ASRGL1: variants seen among roughly 807,000 people sequenced by gnomAD.
The protein encoded by ASRGL1 is isoaspartyl peptidase/L-asparaginase.
In ASRGL1, 16 loss-of-function variants were observed where a neutral mutation model predicts 22.4. The ratio of observed to expected loss-of-function variants is 0.71; its 90% CI spans 0.48 to 1.08. ASRGL1 has a LOEUF of 1.08. Ranked by LOEUF, ASRGL1 falls within the 50% of genes least tolerant of loss-of-function variation. ASRGL1 has a pLI of 0.00. For synonymous variants in ASRGL1, 165 were observed against 159.3 expected, an observed-to-expected ratio of 1.04 and a Z score of -0.27; for missense variants, 412 against 410.1, an observed-to-expected ratio of 1.00 and a Z score of -0.04.
At chr11:62,388,165 G>A (rs764472885) in intron 4 of ASRGL1, among the ~76,000 whole-genome samples, 7 of 152,224 alleles carry the variant, frequency 4.6e-5, no homozygotes, top group Admixed American at 6.5e-5. Flanking sequence ...TCTAAACATA[G>A]AAGTACAGTA....
chr11:62,337,845 G>T (rs1206677203), intron 1 of ASRGL1, 45 bp from the exon 2 acceptor site: 5 of 1,005,592 alleles, frequency 5.0e-6, no homozygotes, highest in South Asian at 1.8e-5. Flanking sequence ...ACCCCCAGCT[G>T]CGAACCCAGC....
At chr11:62,340,781 G>A (rs976195230) in intron 2 of ASRGL1, among the ~76,000 whole-genome samples, 3 of 152,140 alleles carry the variant, frequency 2.0e-5, no homozygotes, top group Admixed American at 1.3e-4. Context: ...GGTCACTACC[G>A]GCAAGCAATA....
chr11:62,361,557 G>C (rs1409622322), intron 4 of ASRGL1, among the ~76,000 whole-genome samples: 1 of 141,608 alleles, frequency 7.1e-6, no homozygotes, highest in South Asian at 2.3e-4. Flanking sequence ...GTACAATCTC[G>C]GCTCACTGCA....
the ASRGL1 span, among the ~76,000 whole-genome samples, chr11:62,400,218 C>T: frequency 1.3e-5 from 2 of 152,234 alleles, no homozygotes. Flanking sequence ...ATTCCCTCTC[C>T]AGAAATGCCT....
intron 2 of ASRGL1, among the ~76,000 whole-genome samples, chr11:62,353,481 C>G (rs140544039): frequency 2.0e-3 from 307 of 151,472 alleles, no homozygotes; most frequent in African/African-American, 7.1e-3. Flanking sequence ...GTAGCTAGGC[C>G]TTTGGGTGTG....
intron 4 of ASRGL1, among the ~76,000 whole-genome samples, chr11:62,367,163 C>T (rs535551031): frequency 1.1e-4 from 16 of 151,728 alleles, no homozygotes; most frequent in African/African-American, 3.6e-4. Flanking sequence ...ACGGTGAAAC[C>T]GCATCTCTAC....
the ASRGL1 span, among the ~76,000 whole-genome samples, chr11:62,400,521 A>G: frequency 6.6e-6 from 1 of 152,168 alleles, no homozygotes; most frequent in Non-Finnish European, 1.5e-5. Context: ...GGGCGCGGCT[A>G]TTTCTGTGCA....
intron 2 of ASRGL1, among the ~76,000 whole-genome samples, chr11:62,342,100 G>A (rs568878832): frequency 2.6e-5 from 4 of 152,100 alleles, no homozygotes; most frequent in African/African-American, 7.2e-5. Flanking sequence ...TGCTGTGTCC[G>A]GTTTCTATTG....
chr11:62,396,396 A>G (rs1947433580), downstream of ASRGL1, among the ~76,000 whole-genome samples: 1 of 152,186 alleles, frequency 6.6e-6, no homozygotes, highest in Admixed American at 6.5e-5. Context: ...TCCATAGCAC[A>G]TCTCTTCTGA....
chr11:62,380,822 G>A (rs1947047772), intron 4 of ASRGL1, among the ~76,000 whole-genome samples: 1 of 152,072 alleles, frequency 6.6e-6, no homozygotes, highest in South Asian at 2.1e-4. Context: ...GCTCCTTCTT[G>A]GGCCCCTTCT....
chr11:62,364,711 A>G (rs1946568078), intron 4 of ASRGL1, among the ~76,000 whole-genome samples: 2 of 152,214 alleles, frequency 1.3e-5, no homozygotes, highest in Non-Finnish European at 2.9e-5. Context: ...ATACTAAGTG[A>G]AATAAGCCAG....
intron 4 of ASRGL1, chr11:62,372,371 G>A: frequency 6.4e-7 from 1 of 1,564,000 alleles, no homozygotes; most frequent in South Asian, 1.1e-5. Context: ...ACAACAGCCT[G>A]CCAATTACCA....
At chr11:62,359,752 G>T (rs1333427762) in intron 4 of ASRGL1, among the ~76,000 whole-genome samples, 1 of 151,950 alleles carries the variant, frequency 6.6e-6, no homozygotes, top group Non-Finnish European at 1.5e-5. Flanking sequence ...CTAACTCTCC[G>T]TGTTAGCAAC....
chr11:62,370,305 G>A (rs1946729945), intron 4 of ASRGL1, among the ~76,000 whole-genome samples: 1 of 152,158 alleles, frequency 6.6e-6, no homozygotes, highest in African/African-American at 2.4e-5. Context: ...TAGTTTGGGA[G>A]TCTGGTTTAA....
At chr11:62,388,488 G>A (rs1947264827) in intron 4 of ASRGL1, among the ~76,000 whole-genome samples, 1 of 151,968 alleles carries the variant, frequency 6.6e-6, no homozygotes, top group Non-Finnish European at 1.5e-5. Flanking sequence ...CCAAGATGAT[G>A]ATGAAACCCT....
At chr11:62,396,863 T>A (rs551372403), downstream of ASRGL1, among the ~76,000 whole-genome samples, 108 of 152,136 alleles carry the variant, frequency 7.1e-4, no homozygotes, top group Non-Finnish European at 1.3e-3. Context: ...AGAACTCAGA[T>A]AAGTGTTAGA....
intron 4 of ASRGL1, among the ~76,000 whole-genome samples, chr11:62,362,743 ATTATATATATAAAT>A (rs1304231093): frequency 1.9e-5 from 2 of 106,482 alleles, no homozygotes; most frequent in South Asian, 2.4e-4. Flanking sequence ...TATAATATAT[ATTATATATATAAAT>A]TTATATATAT....
intron 2 of ASRGL1, among the ~76,000 whole-genome samples, chr11:62,355,302 G>A (rs577868769): frequency 2.0e-5 from 3 of 151,750 alleles, no homozygotes; most frequent in East Asian, 3.9e-4. Context: ...CTCGGCTCAC[G>A]GCAACCTCCG....
chr11:62,398,334 G>A (rs11231076), downstream of ASRGL1, among the ~76,000 whole-genome samples: 43,476 of 151,822 alleles, frequency 0.29, 6,347 homozygotes, highest in South Asian at 0.42. Context: ...TACAAAAAGC[G>A]TGTGTGCTCC....
Sources: gnomAD v4.1 joint callset for allele counts (sites outside exome capture counted in the v4.1 genomes callset) on GRCh38, gnomAD v4.1.1 for gene constraint, MANE v1.5 for transcripts, NCBI Gene and HGNC (gene_info 2026-07-23, HGNC 2026-07-21) for gene names.